The following APOL1 variants were observed in gnomAD, a reference collection of about 807,000 sequenced individuals.
APOL1 encodes the protein apolipoprotein L 1.
In APOL1, 17 loss-of-function variants were observed where a neutral mutation model predicts 14.9. The observed-to-expected ratio is 1.14, with a 90% CI of 0.78 to 1.71. The LOEUF is 1.71. Ranked by LOEUF, APOL1 falls within the 40% of genes most tolerant of loss-of-function variation. The probability of loss-of-function intolerance (pLI) is 0.00; values close to 1 mark genes in which losing one functional copy is unlikely to be tolerated. For synonymous variants in APOL1, 195 were observed against 184.8 expected (o/e 1.05, Z -0.45); for missense variants, 523 against 485.9 (o/e 1.08, Z -0.72).
rs190823144 is a variant in APOL1 at position 36,253,624 on chromosome 22, G to A, written c.-20+405G>A. Among the ~76,000 whole-genome samples the A allele has an allele frequency of 1.7e-4, 26 of 152,330 alleles. No individual in the cohort carries two copies. In the East Asian group the frequency reaches 5.0e-3, roughly 29 times the overall value. ...GCTGGCCCCAGGGTGCTGCTGCTGA[G>A]GCCCAATGGGGGCAACAGAATTTTT... On this transcript the variant is annotated intron_variant, in intron 1 of 5. Coordinates refer to ENST00000397278, the MANE Select transcript of APOL1 (RefSeq NM_003661.4).
At position 36,265,718 on chromosome 22, in the gene APOL1, G is replaced by A. The variant is rs781041093; in HGVS notation, c.882G>A (p.Gln294=). The part of the protein sequence containing the change: ...RALRRARANL[Q]SVPHASASRP... Reference sequence around the variant, plus strand: ...TCAGACGAGCCAGAGCCAATCTTCAGTCAGTACCGCATGCCTCAGCCTCAC... The same window carrying A: ...TCAGACGAGCCAGAGCCAATCTTCAATCAGTACCGCATGCCTCAGCCTCAC... The change falls in exon 6 of 6, where the codon CAG becomes CAA. Residue 294 remains glutamine, a synonymous_variant. Transcript: ENST00000397278. 28 of 1,613,448 alleles carry A rather than the reference G, an allele frequency of 1.7e-5. No homozygotes were observed. The highest frequency in any genetic ancestry group is 2.3e-5 in the Non-Finnish European group (27 of 1,179,694).
intron 2 of APOL1, 93 bp from the exon 3 acceptor site, chr22:36,256,990 C>A (rs2146298072): frequency 7.2e-7 from 1 of 1,391,418 alleles, no homozygotes; most frequent in Non-Finnish European, 1.0e-6. Context: ...GAACCTTCCT[C>A]CCCATCTCTA....
At chr22:36,257,563 C>A in intron 4 of APOL1, 156 bp downstream of exon 4, 1 of 773,088 alleles carries the variant, frequency 1.3e-6, no homozygotes, top group Admixed American at 2.1e-5. Flanking sequence ...GTCCCCCGAC[C>A]CAGGGGTCTG....
chr22:36,265,575 A>T lies in APOL1; in HGVS notation c.739A>T (p.Ser247Cys). Residue 247 changes from serine to cysteine, a missense_variant, in exon 6 of 6, where the codon AGC becomes TGC. Coordinates refer to ENST00000397278, the MANE Select transcript of APOL1 (RefSeq NM_003661.4). ...CCAAGCCCACGACCTGGTCATCAAA[A>T]GCCTTGACAAATTGAAGGAGGTGAG... ...QAQAHDLVIK[S>C]LDKLKEVREF... is the part of the protein sequence containing the mutation. The T allele has an allele frequency of 6.3e-7, 1 of 1,599,080 alleles. No homozygotes were observed. Among genetic ancestry groups the T allele is most frequent in the Non-Finnish European group, 8.5e-7 (1 of 1,172,876 alleles).
chr22:36,259,048 T>C (rs925007686), intron 4 of APOL1, among the ~76,000 whole-genome samples: 6 of 152,310 alleles, frequency 3.9e-5, no homozygotes, highest in Middle Eastern at 3.4e-3. Flanking sequence ...AGTTCTTGTT[T>C]CTTCTGTGAC....
intron 4 of APOL1, among the ~76,000 whole-genome samples, chr22:36,261,142 G>A (rs1156771328): frequency 6.6e-6 from 1 of 152,156 alleles, no homozygotes; most frequent in Admixed American, 6.5e-5. Context: ...TCACAGGCTG[G>A]GTGACTTCAA....
intron 1 of APOL1, chr22:36,253,938 G>C: frequency 6.2e-7 from 1 of 1,614,184 alleles, no homozygotes. Context: ...AATGGTGCCT[G>C]TGGCATGATG....
intron 1 of APOL1, 95 bp from the exon 2 acceptor site, chr22:36,254,842 G>A: frequency 6.6e-7 from 1 of 1,521,354 alleles, no homozygotes. Flanking sequence ...CAGCCTGGGT[G>A]ATAGAGCGAG....
At chr22:36,255,949 T>C (rs1048937124) in intron 2 of APOL1, among the ~76,000 whole-genome samples, 61 of 150,648 alleles carry the variant, frequency 4.0e-4, no homozygotes, top group African/African-American at 1.1e-3. Context: ...TTTTATGTCT[T>C]CCATTAGCAA....
intron 2 of APOL1, among the ~76,000 whole-genome samples, chr22:36,256,731 G>A (rs1322713700): frequency 1.3e-5 from 2 of 152,304 alleles, no homozygotes; most frequent in East Asian, 1.9e-4. Flanking sequence ...AGGGAGTAGA[G>A]CACAGTCATT....
chr22:36,265,923 G>A lies in APOL1; in HGVS notation c.1087G>A (p.Ala363Thr), dbSNP rs779058858. 3.7e-6 allele frequency: 6 copies of A among 1,614,176 alleles called. No homozygotes were observed. The highest frequency in any genetic ancestry group is 4.2e-6 in the Non-Finnish European group (5 of 1,180,028). ...CGAATCAAAGCACTTACATGAGGGG[G>A]CAAAGTCAGAGACAGCTGAGGAGCT... Reference protein sequence around the residue: ...VYESKHLHEGAKSETAEELKK... With the variant: ...VYESKHLHEGTKSETAEELKK... Residue 363 changes from alanine (A) to threonine (T), a missense_variant, in exon 6 of 6, where the codon GCA (alanine) becomes ACA (threonine). Ala to Thr is a moderately conservative substitution (Grantham distance 58, BLOSUM62 0). Transcript: ENST00000397278.
chr22:36,265,720 C>G lies in APOL1; in HGVS notation c.884C>G (p.Ser295Ter). The change falls in exon 6 of 6, where the codon TCA (serine) becomes TGA (stop). Residue 295 changes from serine (S) to a stop codon, truncating the protein, a stop_gained. Transcript: ENST00000397278. LOFTEE classifies it low-confidence loss of function (END_TRUNC). ...ALRRARANLQ[S>*]VPHASASRPR... ...AGACGAGCCAGAGCCAATCTTCAGT[C>G]AGTACCGCATGCCTCAGCCTCACGC... The G allele has an allele frequency of 6.2e-7, 1 of 1,613,446 alleles. No homozygotes were observed. The highest frequency in any genetic ancestry group is 8.5e-7 in the Non-Finnish European group (1 of 1,179,630).
At position 36,265,150 on chromosome 22, in the gene APOL1, G is replaced by A. The variant is rs890214409; in HGVS notation, c.315-1G>A. On this transcript the variant is annotated splice_acceptor_variant, in intron 5 of 5. Transcript: ENST00000397278. LOFTEE classifies it high-confidence loss of function. ...TAATCCTTTAACCTTTCCTTGTGCA[G>A]GAATGAGGCAGATGAGCTCCGTAAA... The A allele has an allele frequency of 6.2e-7, 1 of 1,613,930 alleles. No homozygotes were observed. Among genetic ancestry groups the A allele is most frequent in the Non-Finnish European group, 8.5e-7 (1 of 1,179,972 alleles).
At chr22:36,259,703 G>A (rs897227731) in intron 4 of APOL1, 18 of 1,303,744 alleles carry the variant, frequency 1.4e-5, no homozygotes, top group African/African-American at 3.0e-5. Context: ...GTGGAGAGCC[G>A]TGTACCCTGA....
chr22:36,259,449 C>G (rs2016003774), intron 4 of APOL1, among the ~76,000 whole-genome samples: 1 of 152,156 alleles, frequency 6.6e-6, no homozygotes, highest in Non-Finnish European at 1.5e-5. Context: ...AGGGCTTCCT[C>G]CCCTTACAGA....
chr22:36,265,785 C>T lies in APOL1; in HGVS notation c.949C>T (p.Gln317Ter). ...GCCAATCTCAGCTGAAAGCGGTGAA[C>T]AGGTGGAGAGGGTTAATGAACCCAG... ...TEPISAESGE[Q>*]VERVNEPSIL... Residue 317 changes from glutamine (Q) to a stop codon, truncating the protein, a stop_gained, in exon 6 of 6, where the codon CAG (glutamine) becomes TAG (stop). Transcript: ENST00000397278. LOFTEE classifies it low-confidence loss of function (END_TRUNC). 6.2e-7 allele frequency: 1 copy of T among 1,614,130 alleles called. No homozygotes were observed. The highest frequency in any genetic ancestry group is 1.1e-5 in the South Asian group (1 of 91,080).
chr22:36,266,221 G>C lies in APOL1; in HGVS notation c.*188G>C. On this transcript the variant is annotated 3_prime_UTR_variant, in exon 6 of 6. Transcript: ENST00000397278. ...TTCTCCTGCCTTGGCCTCCCAAGTA[G>C]CTGGGACTACAGGCGCCTACCACCA... is the stretch of plus-strand genomic sequence containing the variant. 1.7e-6 allele frequency: 1 copy of C among 600,740 alleles called. No homozygotes were observed. The highest frequency in any genetic ancestry group is 2.8e-6 in the Non-Finnish European group (1 of 359,142). 37.2% of individuals were successfully genotyped at this position (600,740 alleles called of 1,614,324 possible).
intron 5 of APOL1, among the ~76,000 whole-genome samples, 154 bp from the exon 6 acceptor site, chr22:36,264,997 G>C (rs928002788): frequency 6.6e-6 from 1 of 151,960 alleles, no homozygotes; most frequent in Admixed American, 6.6e-5. Context: ...ATTTTTGGTA[G>C]AGACAGGGTT....
At position 36,263,111 on chromosome 22, in the gene APOL1, G is replaced by A. The variant is rs551568980; in HGVS notation, c.314+1389G>A. ...CTGTCACTACTAAGGCATCAGTTAGGCTGGTGACACCTGCGAGTGAGACCT... is the reference window on the plus strand; with the variant it reads ...CTGTCACTACTAAGGCATCAGTTAGACTGGTGACACCTGCGAGTGAGACCT... On this transcript the variant is annotated intron_variant, in intron 5 of 5. Transcript: ENST00000397278. 3.9e-5 allele frequency among the ~76,000 whole-genome samples: 6 copies of A among 152,342 alleles called. No individual in the cohort carries two copies. The East Asian group carries it at 7.7e-4, about 20-fold the overall frequency.
Sources: allele counts gnomAD v4.1 joint callset (sites outside exome capture counted in the v4.1 genomes callset), GRCh38; gene constraint gnomAD v4.1.1; transcripts MANE v1.5; gene names NCBI Gene and HGNC (gene_info 2026-07-23, HGNC 2026-07-21).